RAD50: variants seen among roughly 807,000 people sequenced by gnomAD.
The protein encoded by RAD50 is RAD50 double strand break repair protein.
In RAD50, 132 loss-of-function variants were observed where a neutral mutation model predicts 168.8. That is an observed-to-expected ratio of 0.78 (90% CI 0.68 to 0.90). The LOEUF is 0.90. RAD50 is among the 40% of genes least tolerant of loss of function. RAD50 has a pLI of 0.00. For synonymous variants in RAD50, 525 were observed against 497.4 expected, an observed-to-expected ratio of 1.06 and a Z score of -0.74; for missense variants, 1,347 against 1,534.4, an observed-to-expected ratio of 0.88 and a Z score of 2.04.
At chr5:132,637,973 T>G in intron 22 of RAD50, 108 bp from the exon 23 acceptor site, 1 of 1,243,756 alleles carries the variant, frequency 8.0e-7, no homozygotes, top group Non-Finnish European at 1.2e-6. Flanking sequence ...TGTTTTCCTC[T>G]GGTAATGTCA....
At chr5:132,578,002 A>T (rs1750428884) in intron 3 of RAD50, among the ~76,000 whole-genome samples, 1 of 151,822 alleles carries the variant, frequency 6.6e-6, no homozygotes, top group Non-Finnish European at 1.5e-5. Context: ...TTTAGTAGAG[A>T]TGGGGTTTCA....
intron 2 of RAD50, among the ~76,000 whole-genome samples, chr5:132,564,641 C>T (rs1017922829): frequency 1.3e-5 from 2 of 152,094 alleles, no homozygotes; most frequent in Non-Finnish European, 2.9e-5. Flanking sequence ...AACCCATTTT[C>T]TGGGGAGGAA....
intron 3 of RAD50, among the ~76,000 whole-genome samples, chr5:132,578,481 GCAAAGCATTCTTA>G (rs983120544): frequency 5.4e-5 from 8 of 147,486 alleles, no homozygotes; most frequent in African/African-American, 2.0e-4. Flanking sequence ...CTAGCCCTCT[GCAAAGCATTCTTA>G]ATATATTCAG....
At chr5:132,593,874 A>T (rs1309975198) in intron 11 of RAD50, among the ~76,000 whole-genome samples, 1 of 152,178 alleles carries the variant, frequency 6.6e-6, no homozygotes, top group East Asian at 1.9e-4. Context: ...AAGTGAAGGA[A>T]ACTGGGATGT....
chr5:132,631,810 A>G (rs1440241393), intron 21 of RAD50, among the ~76,000 whole-genome samples: 4 of 152,078 alleles, frequency 2.6e-5, no homozygotes, highest in Non-Finnish European at 5.9e-5. Context: ...GGATCAAGCT[A>G]TCCTCCCACC....
In RAD50 at chr5:132,642,232, T is replaced by C. The variant is rs755777007; in HGVS notation, c.3807T>C (p.His1269=). Residue 1269 remains histidine, a synonymous_variant, in exon 25 of 25, where the codon CAT becomes CAC. Transcript: ENST00000378823. ...QRNFQLLVIT[H]DEDFVELLGR... is the part of the protein sequence containing the mutation. ...ACTTCCAGCTTCTGGTAATCACTCA[T>C]GATGAAGATTTTGTGGAGCTTTTAG... The C allele has an allele frequency of 1.2e-5, 19 of 1,614,040 alleles. No individual in the cohort carries two copies. The highest frequency in any genetic ancestry group is 1.5e-5 in the Non-Finnish European group (18 of 1,180,010).
At chr5:132,638,932 G>C (rs1386553537) in intron 23 of RAD50, among the ~76,000 whole-genome samples, 1 of 152,216 alleles carries the variant, frequency 6.6e-6, no homozygotes, top group Non-Finnish European at 1.5e-5. Flanking sequence ...TCTGCTTTCA[G>C]ATCAAGGCAG....
At position 132,583,482 on chromosome 5, in the gene RAD50, G is replaced by A. The variant is rs570321382; in HGVS notation, c.756+3416G>A. Among the ~76,000 whole-genome samples the A allele has an allele frequency of 1.8e-3, 274 of 152,226 alleles. 1 individual carries two copies. Among genetic ancestry groups the A allele is most frequent in the Non-Finnish European group, 3.5e-3 (236 of 68,016 alleles). ...GCATAACCATCACTAAAATGAAGAT[G>A]TAGAATATTTCAGTCACTCCAAAAA... is the stretch of plus-strand genomic sequence containing the variant. On this transcript the variant is annotated intron_variant, in intron 5 of 24. Coordinates refer to ENST00000378823, the MANE Select transcript of RAD50 (RefSeq NM_005732.4).
At chr5:132,596,905 G>A (rs1226708186) in intron 13 of RAD50, among the ~76,000 whole-genome samples, 2 of 152,172 alleles carry the variant, frequency 1.3e-5, no homozygotes, top group African/African-American at 4.8e-5. Flanking sequence ...GAGAGGAGAC[G>A]GAAGTCAGAA....
At chr5:132,593,885 G>T (rs73787023) in intron 11 of RAD50, among the ~76,000 whole-genome samples, 7,219 of 152,198 alleles carry the variant, frequency 0.047, 562 homozygotes, top group African/African-American at 0.17. Flanking sequence ...ACTGGGATGT[G>T]CCCAGGGAAC....
At chr5:132,587,833 T>G in intron 6 of RAD50, 91 bp from the exon 7 acceptor site, 1 of 1,539,416 alleles carries the variant, frequency 6.5e-7, no homozygotes, top group Non-Finnish European at 8.9e-7. Flanking sequence ...ATGAAGGATA[T>G]TGAATAAGGT....
At chr5:132,637,347 A>G (rs941506677) in intron 22 of RAD50, 147 bp downstream of exon 22, 16 of 1,443,246 alleles carry the variant, frequency 1.1e-5, no homozygotes, top group Non-Finnish European at 1.4e-5. Context: ...TATCTTGGCA[A>G]CATCTTGTAG....
chr5:132,631,400 G>A (rs569359231), intron 21 of RAD50, among the ~76,000 whole-genome samples: 33 of 152,222 alleles, frequency 2.2e-4, no homozygotes, highest in African/African-American at 7.0e-4. Flanking sequence ...GATTACAGGC[G>A]TGAGCCACCT....
intron 13 of RAD50, among the ~76,000 whole-genome samples, chr5:132,598,210 G>T (rs962043577): frequency 6.6e-6 from 1 of 151,942 alleles, no homozygotes; most frequent in Non-Finnish European, 1.5e-5. Context: ...ACCAGGCTCG[G>T]CTAATTTTTT....
intron 21 of RAD50, among the ~76,000 whole-genome samples, chr5:132,636,069 T>C (rs1751575543): frequency 6.6e-6 from 1 of 152,230 alleles, no homozygotes; most frequent in Admixed American, 6.5e-5. Context: ...TAGCATTATA[T>C]TCAGTTTCTT....
intron 13 of RAD50, 126 bp from the exon 14 acceptor site, chr5:132,603,174 C>T (rs1047766969): frequency 6.0e-6 from 5 of 828,672 alleles, no homozygotes; most frequent in Non-Finnish European, 9.5e-6. Context: ...GATTCCATAT[C>T]CACTGATATG....
At chr5:132,586,578 T>C (rs1750598806) in intron 5 of RAD50, among the ~76,000 whole-genome samples, 1 of 152,360 alleles carries the variant, frequency 6.6e-6, no homozygotes, top group African/African-American at 2.4e-5. Flanking sequence ...TACGTTCATA[T>C]ACAAATCACA....
At position 132,575,918 on chromosome 5, in the gene RAD50, A is replaced by G. The variant is rs1554097579; in HGVS notation, c.355A>G (p.Thr119Ala). The G allele has an allele frequency of 6.2e-7, 1 of 1,609,390 alleles. No homozygotes were observed. Among genetic ancestry groups the G allele is most frequent in the Admixed American group, 1.7e-5 (1 of 59,936 alleles). The change falls in exon 3 of 25, where the codon ACT (threonine) becomes GCT (alanine). Residue 119 changes from threonine (T) to alanine (A), a missense_variant. Thr to Ala is a moderately conservative substitution (Grantham distance 58, BLOSUM62 0). Transcript: ENST00000378823. ...ATTTAAAACTCTGGAAGGAGTCATT[A>G]CTAGAACAAAGTAGGTGTTTATATG... is the stretch of plus-strand genomic sequence containing the variant. Reference protein sequence around the residue: ...TEFKTLEGVITRTKHGEKVSL... With the variant: ...TEFKTLEGVIARTKHGEKVSL...
chr5:132,566,472 C>T lies in RAD50; in HGVS notation c.213+7105C>T, dbSNP rs562320334. Among the ~76,000 whole-genome samples, 3 of 152,280 alleles carry T rather than the reference C, an allele frequency of 2.0e-5. No homozygotes were observed. In the East Asian group the frequency reaches 5.8e-4, roughly 29 times the overall value. On this transcript the variant is annotated intron_variant, in intron 2 of 24. Transcript: ENST00000378823. ...TTCAAAGCTTTATACTGACCTCTGG[C>T]CACCTCCTCATTGAAATGTCTGTAT...
Sources: allele counts gnomAD v4.1 joint callset (sites outside exome capture counted in the v4.1 genomes callset), GRCh38; gene constraint gnomAD v4.1.1; transcripts MANE v1.5; gene names NCBI Gene and HGNC (gene_info 2026-07-23, HGNC 2026-07-21).